Variants in ABCC4 observed in about 807,000 individuals in gnomAD.
The protein encoded by ABCC4 is ATP-binding cassette sub-family C member 4.
Under a neutral mutation model 168.5 loss-of-function variants are expected in ABCC4, and 102 were observed. The ratio of observed to expected loss-of-function variants is 0.61; its 90% CI spans 0.52 to 0.71. The LOEUF (loss-of-function observed/expected upper bound fraction) is 0.71. Ranked by LOEUF, ABCC4 falls within the 30% of genes least tolerant of loss-of-function variation. The pLI is 0.00. For synonymous variants in ABCC4, 617 were observed against 590.7 expected (o/e 1.04, Z -0.65); for missense variants, 1,402 against 1,605.8 (o/e 0.87, Z 2.17).
At position 95,194,867 on chromosome 13, in the gene ABCC4, T is replaced by C; in HGVS notation, c.1232A>G (p.His411Arg). 1.2e-6 allele frequency: 2 copies of C among 1,614,168 alleles called. No individual in the cohort carries two copies. The highest frequency in any genetic ancestry group is 1.7e-6 in the Non-Finnish European group (2 of 1,180,026). ...QLPSDGKKMV[H>R]VQDFTAFWDK... ...CCAAAAAGCAGTAAAATCCTGCACA[T>C]GCACCATCTTTTTACCATCTGACGG... Residue 411 changes from histidine (H) to arginine (R), a missense_variant, in exon 9 of 31, where the codon CAT becomes CGT. Around this residue, in one of 3 missense-constraint regions of ABCC4, gnomAD observed 1,007 missense variants for 1,127.3 expected, o/e 0.89. Coordinates refer to ENST00000645237, the MANE Select transcript of ABCC4 (RefSeq NM_005845.5).
intron 20 of ABCC4, among the ~76,000 whole-genome samples, chr13:95,103,449 T>C (rs1013789815): frequency 3.3e-4 from 50 of 152,280 alleles, no homozygotes; most frequent in African/African-American, 1.2e-3. Flanking sequence ...TGCAAGCAAC[T>C]ATAATTTGAC....
intron 11 of ABCC4, among the ~76,000 whole-genome samples, chr13:95,183,151 T>C (rs1370496018): frequency 1.3e-5 from 2 of 151,806 alleles, no homozygotes; most frequent in African/African-American, 4.8e-5. Flanking sequence ...CTTTTATTTA[T>C]CTTATTAACT....
chr13:95,074,079 A>T (rs11842898), intron 23 of ABCC4, 135 bp downstream of exon 23: 2 of 690,974 alleles, frequency 2.9e-6, no homozygotes, highest in Non-Finnish European at 4.7e-6. Context: ...AACCTGACAC[A>T]TCGTAAATGA....
At chr13:95,286,640 T>A (rs1208736454) in intron 1 of ABCC4, among the ~76,000 whole-genome samples, 1 of 152,004 alleles carries the variant, frequency 6.6e-6, no homozygotes, top group East Asian at 1.9e-4. Flanking sequence ...CTTTCCCTGC[T>A]TGATTGGAGG....
chr13:95,153,025 T>G (rs2036740219), intron 19 of ABCC4, among the ~76,000 whole-genome samples: 1 of 152,174 alleles, frequency 6.6e-6, no homozygotes, highest in Non-Finnish European at 1.5e-5. Context: ...GTAATATACT[T>G]ATCAATATTT....
intron 3 of ABCC4, among the ~76,000 whole-genome samples, chr13:95,238,290 G>A (rs1040526571): frequency 6.6e-6 from 1 of 151,918 alleles, no homozygotes; most frequent in Admixed American, 6.6e-5. Flanking sequence ...GTGAATCTGG[G>A]GAAATAATAA....
intron 1 of ABCC4, among the ~76,000 whole-genome samples, chr13:95,264,727 T>C (rs868656755): frequency 3.3e-5 from 5 of 152,278 alleles, no homozygotes; most frequent in African/African-American, 1.2e-4. Context: ...AAAATTAATA[T>C]AGGGAAACTG....
intron 7 of ABCC4, 130 bp from the exon 8 acceptor site, chr13:95,206,911 G>C: frequency 2.0e-6 from 2 of 1,009,606 alleles, no homozygotes; most frequent in South Asian, 3.1e-5. Flanking sequence ...AGACCATCCT[G>C]GGCAACAACA....
chr13:95,171,984 T>C (rs1282973418), intron 13 of ABCC4, among the ~76,000 whole-genome samples: 1 of 152,308 alleles, frequency 6.6e-6, no homozygotes, highest in East Asian at 1.9e-4. Context: ...TCCTTTTATA[T>C]ACATATCTAA....
At chr13:95,289,155 G>A (rs9561830) in intron 1 of ABCC4, among the ~76,000 whole-genome samples, 36,606 of 152,064 alleles carry the variant, frequency 0.24, 4,992 homozygotes, top group African/African-American at 0.37. Flanking sequence ...TAAAAGAAGC[G>A]GTCAGTTGGG....
At position 95,296,185 on chromosome 13, in the gene ABCC4, A is replaced by ACACACAC. The variant is rs2041531845; in HGVS notation, c.74+5055_74+5056insGTGTGTG. Among the ~76,000 whole-genome samples the ACACACAC allele has an allele frequency of 2.3e-3, 27 of 11,928 alleles. 2 individuals carry two copies. Among genetic ancestry groups the ACACACAC allele is most frequent in the African/African-American group, 2.6e-3 (20 of 7,726 alleles). The allele number at this position is 11,928 out of a possible 152,430, so 7.8% of individuals were successfully genotyped here. On this transcript the variant is annotated intron_variant, in intron 1 of 30. Transcript: ENST00000645237. ...ACACACACACACACACACACACACA[A>ACACACAC]AAACACAAAATTAAATGGCCAGGAA...
At position 95,020,279 on chromosome 13, in the gene ABCC4, G is replaced by C. The variant is rs780266835; in HGVS notation, c.*1296C>G. On this transcript the variant is annotated 3_prime_UTR_variant, in exon 31 of 31. Coordinates refer to ENST00000645237, the MANE Select transcript of ABCC4 (RefSeq NM_005845.5). The stretch of plus-strand genomic sequence containing the variant: ...TGTATACAAACAAATGCACACGTGT[G>C]CATGTCTATATACATATATGCAATT... 6.6e-6 allele frequency: 1 copy of C among 152,206 alleles called. No individual in the cohort carries two copies. Among genetic ancestry groups the C allele is most frequent in the Non-Finnish European group, 1.5e-5 (1 of 68,028 alleles). The allele number at this position is 152,206 out of a possible 1,614,324, so 9.4% of individuals were successfully genotyped here. A position where few individuals can be genotyped will look rare whatever the true frequency, so the allele number is the denominator to read the frequency against.
chr13:95,114,491 G>A (rs79616253), intron 20 of ABCC4, among the ~76,000 whole-genome samples: 1 of 152,064 alleles, frequency 6.6e-6, no homozygotes. Flanking sequence ...TATGTAAACG[G>A]GGCAACTGTT....
intron 20 of ABCC4, among the ~76,000 whole-genome samples, chr13:95,084,454 AAAG>A (rs1182895731): frequency 1.3e-5 from 2 of 152,226 alleles, no homozygotes. Context: ...CATGCCCAAT[AAAG>A]AATAGATAAG....
chr13:95,148,595 C>G (rs1409123516), intron 19 of ABCC4, among the ~76,000 whole-genome samples: 2 of 90,774 alleles, frequency 2.2e-5, no homozygotes, highest in African/African-American at 1.4e-4. Context: ...CATCACAACA[C>G]ACACACACAC....
intron 22 of ABCC4, 85 bp downstream of exon 22, chr13:95,075,347 C>CCAA: frequency 1.3e-6 from 2 of 1,573,612 alleles, no homozygotes; most frequent in Non-Finnish European, 1.7e-6. Context: ...GAGGTGCCTG[C>CCAA]CAACAAGCTC....
At chr13:95,054,020 CCTTTTTTTTTTTTTTTTTT>C (rs2032957344) in intron 26 of ABCC4, 1 of 73,168 alleles carries the variant, frequency 1.4e-5, no homozygotes. Flanking sequence ...AATGGGACAT[CCTTTTTTTTTTTTTTTTTT>C]TTTTTTTTTT....
intron 16 of ABCC4, 92 bp downstream of exon 16, chr13:95,164,286 C>T: frequency 1.3e-6 from 2 of 1,486,780 alleles, no homozygotes; most frequent in Non-Finnish European, 1.8e-6. Context: ...TCAATTCAGA[C>T]CCCAAGTGAA....
intron 1 of ABCC4, among the ~76,000 whole-genome samples, chr13:95,263,481 T>C (rs1414356730): frequency 6.6e-6 from 1 of 152,120 alleles, no homozygotes; most frequent in Non-Finnish European, 1.5e-5. Flanking sequence ...AAATACATTC[T>C]AGCTTTGTCC....
Sources: gnomAD v4.1 joint callset for allele counts (sites outside exome capture counted in the v4.1 genomes callset) on GRCh38, gnomAD v4.1.1 for gene constraint, gnomAD v4.1.1 regional missense constraint, MANE v1.5 for transcripts, NCBI Gene and HGNC (gene_info 2026-07-23, HGNC 2026-07-21) for gene names.